GLI3: variants seen among roughly 807,000 people sequenced by gnomAD.
GLI3 encodes GLI family zinc finger 3, also known as transcription activator GLI3.
GLI3 carries 20 observed loss-of-function variants against 100.8 expected under a neutral mutation model. The ratio of observed to expected loss-of-function variants is 0.20; its 90% CI spans 0.14 to 0.29. GLI3 has a LOEUF of 0.29. Ranked by LOEUF, GLI3 falls within the 10% of genes least tolerant of loss-of-function variation. GLI3 has a pLI of 1.00. For synonymous variants in GLI3, 938 were observed against 860.5 expected (o/e 1.09, Z -1.58); for missense variants, 2,040 against 2,128.5 (o/e 0.96, Z 0.82).
At chr7:42,010,077 TG>T (rs1359206328) in intron 10 of GLI3, among the ~76,000 whole-genome samples, 1 of 152,276 alleles carries the variant, frequency 6.6e-6, no homozygotes, top group African/African-American at 2.4e-5. Flanking sequence ...AATCCATGAA[TG>T]CTTACAGTGG....
At chr7:42,103,061 A>G (rs1949974) in intron 3 of GLI3, among the ~76,000 whole-genome samples, 96,234 of 152,008 alleles carry the variant, frequency 0.63, 31,314 homozygotes, top group East Asian at 0.71. Context: ...GGCTTAGCTG[A>G]GTGGCTCCGG....
intron 1 of GLI3, among the ~76,000 whole-genome samples, chr7:42,244,133 A>G (rs113852338): frequency 0.018 from 2,780 of 152,298 alleles, 29 homozygotes; most frequent in South Asian, 0.035. Context: ...TGCACCCAGC[A>G]GATTTTGACT....
rs1280457707 is a variant in GLI3 at position 41,966,303 on chromosome 7, C to T, written c.2770G>A (p.Ala924Thr). Residue 924 changes from alanine (A) to threonine (T), a missense_variant, in exon 15 of 15, where the codon GCC becomes ACC. Physicochemically the swap from Ala to Thr is moderately conservative, Grantham distance 58. Transcript: ENST00000395925. The surrounding 1 kb of genome is among the most constrained non-coding windows in gnomAD (Gnocchi z 5.8). ...GLPSLLSLTP[A>T]QQYRLKAKYA... ...TTGGCCTTGAGGCGGTACTGCTGGG[C>T]GGGCGTGAGGCTGAGCAGGCTGGGC... 3 of 1,607,746 alleles carry T rather than the reference C, an allele frequency of 1.9e-6. No individual in the cohort carries two copies. Among genetic ancestry groups the T allele is most frequent in the Admixed American group, 3.3e-5 (2 of 59,924 alleles).
chr7:41,968,779 A>AGAAAAAGAAAGAAAGAAG (rs1787291820), intron 13 of GLI3, among the ~76,000 whole-genome samples: 19 of 136,562 alleles, frequency 1.4e-4, no homozygotes, highest in African/African-American at 5.4e-4. Flanking sequence ...AAAGAAAGAA[A>AGAAAAAGAAAGAAAGAAG]GAAAGAAAGA....
At chr7:42,073,178 GC>G (rs1447650402) in intron 4 of GLI3, among the ~76,000 whole-genome samples, 1 of 152,124 alleles carries the variant, frequency 6.6e-6, no homozygotes, top group South Asian at 2.1e-4. Flanking sequence ...GAAACAAAAT[GC>G]CAATAAATTA....
At chr7:42,074,363 G>A (rs921058352) in intron 4 of GLI3, among the ~76,000 whole-genome samples, 1 of 152,188 alleles carries the variant, frequency 6.6e-6, no homozygotes, top group African/African-American at 2.4e-5. Context: ...CTCAGACTGG[G>A]CCAATGTGAG....
At chr7:42,045,254 T>C in intron 6 of GLI3, 130 bp downstream of exon 6, 3 of 896,648 alleles carry the variant, frequency 3.3e-6, no homozygotes, top group Non-Finnish European at 5.6e-6. Context: ...GAGCACCAGA[T>C]AGTGGTGGTT....
At chr7:42,028,885 G>A (rs1278034138) in intron 7 of GLI3, among the ~76,000 whole-genome samples, 1 of 152,068 alleles carries the variant, frequency 6.6e-6, no homozygotes, top group Non-Finnish European at 1.5e-5. Context: ...CTAGGTCTAC[G>A]ATCCTCCTTG....
chr7:42,255,445 T>C (rs1261426918), intron 1 of GLI3, among the ~76,000 whole-genome samples: 1 of 152,200 alleles, frequency 6.6e-6, no homozygotes, highest in Admixed American at 6.5e-5. Flanking sequence ...TTCCATTACC[T>C]AAAAGAAAAA....
chr7:42,209,437 T>A (rs1359773776), intron 2 of GLI3, among the ~76,000 whole-genome samples: 5 of 152,236 alleles, frequency 3.3e-5, no homozygotes, highest in African/African-American at 9.6e-5. Flanking sequence ...GATGGACCCA[T>A]ACATGTGATG....
At chr7:42,055,647 C>A (rs1484117876) in intron 4 of GLI3, among the ~76,000 whole-genome samples, 1 of 152,162 alleles carries the variant, frequency 6.6e-6, no homozygotes, top group African/African-American at 2.4e-5. Context: ...CCTACCCACA[C>A]CTCTGTACAT....
intron 3 of GLI3, chr7:42,118,283 T>A (rs1000718160): frequency 5.0e-6 from 2 of 398,728 alleles, no homozygotes; most frequent in Non-Finnish European, 8.8e-6. Flanking sequence ...GTCCTAACTA[T>A]GGACTAAGCA....
chr7:42,130,260 C>G (rs940009989), intron 3 of GLI3, among the ~76,000 whole-genome samples: 1 of 152,128 alleles, frequency 6.6e-6, no homozygotes, highest in Non-Finnish European at 1.5e-5. Flanking sequence ...ATCCAAGTTT[C>G]CATATGCCAA....
At chr7:42,029,629 A>G (rs894052760) in intron 7 of GLI3, among the ~76,000 whole-genome samples, 1 of 152,108 alleles carries the variant, frequency 6.6e-6, no homozygotes, top group Non-Finnish European at 1.5e-5. Context: ...CTGTCACAGC[A>G]TGAGTCCCTC....
intron 2 of GLI3, among the ~76,000 whole-genome samples, chr7:42,182,662 A>ACATGTGTG (rs1554337071): frequency 2.6e-5 from 2 of 76,742 alleles, no homozygotes; most frequent in African/African-American, 1.3e-4. Context: ...ATATATATAT[A>ACATGTGTG]TATATATATA....
chr7:42,001,951 G>A (rs796109071), intron 10 of GLI3, among the ~76,000 whole-genome samples: 2 of 152,210 alleles, frequency 1.3e-5, no homozygotes, highest in African/African-American at 4.8e-5. Flanking sequence ...TAGAAATCAT[G>A]CATTTAATTA....
intron 2 of GLI3, among the ~76,000 whole-genome samples, chr7:42,178,904 C>G (rs534881092): frequency 1.2e-4 from 18 of 151,886 alleles, no homozygotes; most frequent in African/African-American, 4.1e-4. Context: ...CAGACATGAG[C>G]GAGTCAGGAG....
chr7:42,194,759 C>CTTTTTTTTTTTTTT (rs61524545), intron 2 of GLI3, among the ~76,000 whole-genome samples: 5 of 108,982 alleles, frequency 4.6e-5, no homozygotes, highest in Admixed American at 9.8e-5. Flanking sequence ...CTCTCTGTCT[C>CTTTTTTTTTTTTTT]TTTTTTTTTT....
At chr7:42,062,554 C>G (rs1784590279) in intron 4 of GLI3, among the ~76,000 whole-genome samples, 1 of 151,426 alleles carries the variant, frequency 6.6e-6, no homozygotes, top group African/African-American at 2.4e-5. Flanking sequence ...TACTGAGCCA[C>G]AAGCTTCAAC....
Sources: allele counts gnomAD v4.1 joint callset (sites outside exome capture counted in the v4.1 genomes callset), GRCh38; gene constraint gnomAD v4.1.1; non-coding constraint Gnocchi (gnomAD v3.1); transcripts MANE v1.5; gene names NCBI Gene and HGNC (gene_info 2026-07-23, HGNC 2026-07-21).